The following CHRM3 variants were observed in gnomAD, a reference collection of about 807,000 sequenced individuals.
CHRM3 encodes muscarinic acetylcholine receptor M3.
CHRM3 carries 11 observed loss-of-function variants against 41.8 expected under a neutral mutation model. The ratio of observed to expected loss-of-function variants is 0.26; its 90% CI spans 0.17 to 0.44. The LOEUF (loss-of-function observed/expected upper bound fraction) is 0.44, where lower values mean the gene tolerates loss of function less well. Ranked by LOEUF, CHRM3 falls within the 20% of genes least tolerant of loss-of-function variation. The probability of loss-of-function intolerance (pLI) is 1.00; values close to 1 mark genes in which losing one functional copy is unlikely to be tolerated. For synonymous variants in CHRM3, 297 were observed against 301.4 expected (o/e 0.99, Z 0.15); for missense variants, 571 against 745.4 (o/e 0.77, Z 2.72).
rs73122647 is a variant in CHRM3 at position 239,599,374 on chromosome 1, T to C, written c.-312-32850T>C. The stretch of plus-strand genomic sequence containing the variant: ...CTCCTGGTGGCTTTTCTTCTATTCT[T>C]GGATCCTCAAATATTAATGTTCTGC... On this transcript the variant is annotated intron_variant, in intron 3 of 6. Coordinates refer to ENST00000676153, the MANE Select transcript of CHRM3 (RefSeq NM_001375978.1). 8.7e-3 allele frequency among the ~76,000 whole-genome samples: 1,321 copies of C among 152,104 alleles called. 44 individuals carry two copies. The East Asian group carries it at 0.11, about 13-fold the overall frequency.
At chr1:239,730,684 C>A (rs1466314077) in intron 5 of CHRM3, among the ~76,000 whole-genome samples, 1 of 151,900 alleles carries the variant, frequency 6.6e-6, no homozygotes, top group Non-Finnish European at 1.5e-5. Context: ...GACGCTGAGT[C>A]TGGAGTGGAG....
Position 239,909,319 on chromosome 1 carries a change from T to C in CHRM3, c.*95T>C, listed in dbSNP as rs202155161. 7.5e-7 allele frequency: 1 copy of C among 1,324,676 alleles called. No homozygotes were observed. Among genetic ancestry groups the C allele is most frequent in the South Asian group, 1.5e-5 (1 of 67,590 alleles). 82.1% of individuals were successfully genotyped at this position (1,324,676 alleles called of 1,614,324 possible). ...AGGGCGGGGTGACTTCTGGTGATGA[T>C]AAAAATGGTTTTATCACCCAGATGT... On this transcript the variant is annotated 3_prime_UTR_variant, in exon 7 of 7. Transcript: ENST00000676153.
intron 6 of CHRM3, among the ~76,000 whole-genome samples, chr1:239,868,962 G>A (rs12060437): frequency 0.046 from 6,966 of 152,182 alleles, 577 homozygotes; most frequent in African/African-American, 0.16. Flanking sequence ...TCAAGGTCAA[G>A]GTCCTTACAA....
chr1:239,448,196 T>TA (rs1227695325), intron 1 of CHRM3, among the ~76,000 whole-genome samples: 10 of 152,182 alleles, frequency 6.6e-5, no homozygotes, highest in Admixed American at 6.5e-4. Flanking sequence ...GATAACATGA[T>TA]AACAATGGCA....
chr1:239,496,397 A>G (rs1667882843), intron 2 of CHRM3, among the ~76,000 whole-genome samples: 1 of 152,126 alleles, frequency 6.6e-6, no homozygotes, highest in Non-Finnish European at 1.5e-5. Context: ...TATATATAAT[A>G]TCTATCTTGC....
chr1:239,542,495 C>A (rs918668813), intron 2 of CHRM3, among the ~76,000 whole-genome samples: 1 of 152,104 alleles, frequency 6.6e-6, no homozygotes, highest in African/African-American at 2.4e-5. Context: ...GCAAGCTGGG[C>A]AGTTAGTAAA....
intron 3 of CHRM3, among the ~76,000 whole-genome samples, chr1:239,590,661 C>T (rs556895036): frequency 3.3e-5 from 5 of 152,082 alleles, no homozygotes; most frequent in South Asian, 2.1e-4. Context: ...CTTCATGAGG[C>T]ATTTTAAACT....
At chr1:239,433,805 C>T (rs1663020329) in intron 1 of CHRM3, among the ~76,000 whole-genome samples, 1 of 152,162 alleles carries the variant, frequency 6.6e-6, no homozygotes, top group Non-Finnish European at 1.5e-5. Flanking sequence ...CTTCCTATGA[C>T]TGAGTAGTAT....
intron 5 of CHRM3, among the ~76,000 whole-genome samples, chr1:239,754,571 A>G (rs886590050): frequency 7.2e-5 from 11 of 152,348 alleles, no homozygotes; most frequent in African/African-American, 2.6e-4. Flanking sequence ...GGATTCTTCT[A>G]TGCAGAATGT....
At chr1:239,891,670 A>T (rs186255072) in intron 6 of CHRM3, among the ~76,000 whole-genome samples, 1 of 152,336 alleles carries the variant, frequency 6.6e-6, no homozygotes, top group East Asian at 1.9e-4. Flanking sequence ...ATGTACAAAA[A>T]ATGGCAGCAT....
chr1:239,793,939 A>G (rs541966746), intron 5 of CHRM3, among the ~76,000 whole-genome samples: 2 of 148,814 alleles, frequency 1.3e-5, no homozygotes, highest in Admixed American at 6.8e-5. Flanking sequence ...CAGCCTCCCA[A>G]ATAGCTGGGA....
intron 5 of CHRM3, among the ~76,000 whole-genome samples, chr1:239,767,229 GC>G (rs1667301319): frequency 6.6e-6 from 1 of 152,010 alleles, no homozygotes; most frequent in Non-Finnish European, 1.5e-5. Context: ...GTTTATACAT[GC>G]CTAAGATAAA....
At chr1:239,694,181 A>T (rs1416847043) in intron 5 of CHRM3, among the ~76,000 whole-genome samples, 1 of 152,186 alleles carries the variant, frequency 6.6e-6, no homozygotes, top group Admixed American at 6.5e-5. Context: ...AAAATAATTG[A>T]GCTCTTCCAC....
intron 5 of CHRM3, among the ~76,000 whole-genome samples, chr1:239,777,091 G>A (rs775276553): frequency 7.2e-5 from 11 of 152,100 alleles, no homozygotes; most frequent in East Asian, 1.9e-4. Context: ...CCTTTCAACC[G>A]AAGATTTTGA....
At position 239,823,937 on chromosome 1, in the gene CHRM3, C is replaced by T. The variant is rs74316408; in HGVS notation, c.-146-3315C>T. Among the ~76,000 whole-genome samples, 1,254 of 152,242 alleles carry T rather than the reference C, an allele frequency of 8.2e-3. 10 individuals are homozygous for T. Among genetic ancestry groups the T allele is most frequent in the Non-Finnish European group, 0.014 (936 of 68,026 alleles). On this transcript the variant is annotated intron_variant, in intron 5 of 6. Transcript: ENST00000676153. ...TAATTGTGGGCGGAATTAGATCAGA[C>T]GCTGACCTTTCACAAACACCTAAAG...
At chr1:239,589,041 C>T (rs954795118) in intron 3 of CHRM3, among the ~76,000 whole-genome samples, 5 of 151,974 alleles carry the variant, frequency 3.3e-5, no homozygotes, top group Non-Finnish European at 4.4e-5. Context: ...GCAAGCAGTT[C>T]TCCTGCCTCA....
intron 5 of CHRM3, among the ~76,000 whole-genome samples, chr1:239,702,944 T>G (rs2148116900): frequency 6.6e-6 from 1 of 152,308 alleles, no homozygotes; most frequent in Non-Finnish European, 1.5e-5. Flanking sequence ...TGCAAATTGA[T>G]AATATTTTTA....
At chr1:239,716,602 CA>C (rs978695879) in intron 5 of CHRM3, among the ~76,000 whole-genome samples, 44 of 151,954 alleles carry the variant, frequency 2.9e-4, no homozygotes, top group African/African-American at 9.7e-4. Flanking sequence ...GTGTGACTCT[CA>C]AAAGAGCCTT....
chr1:239,563,160 C>A (rs1157664454), intron 3 of CHRM3, among the ~76,000 whole-genome samples: 1 of 151,410 alleles, frequency 6.6e-6, no homozygotes, highest in Non-Finnish European at 1.5e-5. Context: ...TCAAGAAGAA[C>A]AATGTTTTCT....
Sources: gnomAD v4.1 joint callset for allele counts (sites outside exome capture counted in the v4.1 genomes callset) on GRCh38, gnomAD v4.1.1 for gene constraint, MANE v1.5 for transcripts, NCBI Gene and HGNC (gene_info 2026-07-23, HGNC 2026-07-21) for gene names.